Variants in CCDC171 observed in about 807,000 individuals in gnomAD.
CCDC171 encodes coiled-coil domain-containing protein 171.
In CCDC171, 177 loss-of-function variants were observed where a neutral mutation model predicts 168.2. The observed-to-expected ratio is 1.05, with a 90% CI of 0.93 to 1.19. The LOEUF is 1.19. Among genes scored for constraint, CCDC171 ranks in the 50% most tolerant of loss-of-function variants. CCDC171 has a pLI of 0.00. For synonymous variants in CCDC171, 687 were observed against 540.8 expected (o/e 1.27, Z -3.75); for missense variants, 1,991 against 1,539.0 (o/e 1.29, Z -4.91).
At chr9:15,970,907 C>T (rs952612798) in intron 25 of CCDC171, among the ~76,000 whole-genome samples, 5 of 152,110 alleles carry the variant, frequency 3.3e-5, no homozygotes, top group African/African-American at 9.7e-5. Flanking sequence ...ACTGTGCTCA[C>T]CACCTGGCTG....
intron 16 of CCDC171, among the ~76,000 whole-genome samples, chr9:15,730,055 GTTAA>G (rs1439165684): frequency 1.3e-5 from 2 of 151,976 alleles, no homozygotes; most frequent in African/African-American, 4.8e-5. Context: ...GCATTGGTCA[GTTAA>G]TTAAATGCGA....
chr9:15,958,516 GTATTATATTATATTATATTA>G (rs59603926), intron 25 of CCDC171, among the ~76,000 whole-genome samples: 4 of 136,648 alleles, frequency 2.9e-5, no homozygotes, highest in South Asian at 2.4e-4. Flanking sequence ...CGGAGGTGAG[GTATTATATTATATTATATTA>G]TATTATATTA....
intron 7 of CCDC171, among the ~76,000 whole-genome samples, chr9:15,649,881 C>G (rs897123682): frequency 5.3e-5 from 8 of 152,202 alleles, no homozygotes; most frequent in Non-Finnish European, 1.0e-4. Context: ...CGGTTTGAGC[C>G]AGCCATCCCA....
intron 3 of CCDC171, among the ~76,000 whole-genome samples, chr9:15,992,965 A>G (rs1174449186): frequency 2.0e-5 from 3 of 152,222 alleles, no homozygotes; most frequent in South Asian, 2.1e-4. Flanking sequence ...AAATGGAAGA[A>G]CATTCCATGC....
At chr9:15,878,603 T>C (rs1280731224) in intron 24 of CCDC171, among the ~76,000 whole-genome samples, 1 of 152,140 alleles carries the variant, frequency 6.6e-6, no homozygotes, top group Non-Finnish European at 1.5e-5. Flanking sequence ...AGAACTACCA[T>C]TTGACCTAGC....
chr9:15,847,858 A>G (rs1323789435), intron 22 of CCDC171, among the ~76,000 whole-genome samples: 1 of 152,122 alleles, frequency 6.6e-6, no homozygotes, highest in African/African-American at 2.4e-5. Context: ...ACATGAATTG[A>G]CACAAGGCCA....
At chr9:16,087,595 G>T in the CCDC171 span, among the ~76,000 whole-genome samples, 5 of 101,516 alleles carry the variant, frequency 4.9e-5, no homozygotes, top group African/African-American at 8.0e-5. Flanking sequence ...CCATTTGCTT[G>T]GTAAATCTTC....
In CCDC171 at chr9:15,971,325, G is replaced by T. The variant is rs1326759640; in HGVS notation, c.3754-284G>T. 3.3e-5 allele frequency among the ~76,000 whole-genome samples: 5 copies of T among 152,012 alleles called. No homozygotes were observed. The East Asian group carries it at 9.6e-4, about 29-fold the overall frequency. Reference sequence around the variant, plus strand: ...CAAGGTAAAAATCCCTGATTGTATTGACTCTCTGATATAATAACTTTATAA... The same window carrying T: ...CAAGGTAAAAATCCCTGATTGTATTTACTCTCTGATATAATAACTTTATAA... On this transcript the variant is annotated intron_variant, in intron 25 of 25. Coordinates refer to ENST00000380701, the MANE Select transcript of CCDC171 (RefSeq NM_173550.4).
At chr9:15,887,384 T>C (rs555742068) in intron 24 of CCDC171, among the ~76,000 whole-genome samples, 12 of 152,200 alleles carry the variant, frequency 7.9e-5, no homozygotes, top group African/African-American at 2.9e-4. Context: ...TAGGTTTTTT[T>C]CCCCCTTTTC....
chr9:15,844,955 A>G (rs969135626), intron 21 of CCDC171, among the ~76,000 whole-genome samples: 1 of 152,194 alleles, frequency 6.6e-6, no homozygotes, highest in Non-Finnish European at 1.5e-5. Context: ...ACCTCTAGTC[A>G]TAAGAGTTAT....
chr9:15,989,225 C>T (rs575314119), intron 3 of CCDC171, among the ~76,000 whole-genome samples: 8 of 152,266 alleles, frequency 5.3e-5, no homozygotes, highest in South Asian at 4.2e-4. Context: ...TGCTCTGAGA[C>T]GAAGCTTCCA....
intron 24 of CCDC171, among the ~76,000 whole-genome samples, chr9:15,884,100 A>G (rs1819063428): frequency 6.6e-6 from 1 of 152,120 alleles, no homozygotes; most frequent in South Asian, 2.1e-4. Flanking sequence ...ATGAGTATGT[A>G]TTACAATTCT....
At chr9:15,786,619 A>T (rs10810447) in intron 21 of CCDC171, among the ~76,000 whole-genome samples, 143,239 of 152,196 alleles carry the variant, frequency 0.94, 67,480 homozygotes, top group East Asian at 1. Context: ...TCAGCCATTG[A>T]AACATCTGTG....
chr9:15,622,392 G>C (rs2044578673), intron 6 of CCDC171, among the ~76,000 whole-genome samples: 1 of 152,174 alleles, frequency 6.6e-6, no homozygotes, highest in Non-Finnish European at 1.5e-5. Context: ...TTTCAAACTA[G>C]AATCTTTGAT....
intron 10 of CCDC171, among the ~76,000 whole-genome samples, chr9:15,686,674 T>TCGC (rs1268881597): frequency 1.3e-5 from 2 of 152,070 alleles, no homozygotes; most frequent in Non-Finnish European, 2.9e-5. Flanking sequence ...AAGAGGGACA[T>TCGC]CTCATGTTGT....
At position 15,784,644 on chromosome 9, in the gene CCDC171, C is replaced by T. The variant is rs767765072; in HGVS notation, c.3217C>T (p.His1073Tyr). ...LQELNYKLEL[H>Y]SSEEADKNQT... ...GGAATTGAATTATAAACTTGAATTG[C>T]ACTCCAGTGAGGAAGCTGACAAAAA... Residue 1073 changes from histidine to tyrosine, a missense_variant, in exon 21 of 26, where the codon CAC (histidine) becomes TAC (tyrosine). His to Tyr is a moderately conservative substitution (Grantham distance 83, BLOSUM62 2). Coordinates refer to ENST00000380701, the MANE Select transcript of CCDC171 (RefSeq NM_173550.4). The T allele has an allele frequency of 2.5e-6, 4 of 1,613,274 alleles. No individual in the cohort carries two copies. Among genetic ancestry groups the T allele is most frequent in the Non-Finnish European group, 2.5e-6 (3 of 1,179,516 alleles).
intron 6 of CCDC171, among the ~76,000 whole-genome samples, chr9:15,600,139 C>T (rs750776836): frequency 3.9e-5 from 6 of 152,218 alleles, no homozygotes; most frequent in Middle Eastern, 3.2e-3. Flanking sequence ...TCTCTCAACT[C>T]GTCAGTCATT....
the CCDC171 span, among the ~76,000 whole-genome samples, chr9:16,101,063 G>T: frequency 6.6e-5 from 10 of 152,350 alleles, no homozygotes; most frequent in East Asian, 1.7e-3. Context: ...GAGGGAAGCA[G>T]AGAAAGCCGG....
intron 23 of CCDC171, among the ~76,000 whole-genome samples, chr9:15,867,028 C>T (rs1216912363): frequency 6.6e-6 from 1 of 152,022 alleles, no homozygotes; most frequent in Admixed American, 6.6e-5. Context: ...ATCTGTATTT[C>T]ACTTTGCCTA....
Sources: allele counts gnomAD v4.1 joint callset (sites outside exome capture counted in the v4.1 genomes callset), GRCh38; gene constraint gnomAD v4.1.1; transcripts MANE v1.5; gene names NCBI Gene and HGNC (gene_info 2026-07-23, HGNC 2026-07-21).